Variants in DLGAP2 observed in about 807,000 individuals in gnomAD.
DLGAP2 encodes DLG associated protein 2.
DLGAP2 carries 26 observed loss-of-function variants against 100.3 expected under a neutral mutation model. That is an observed-to-expected ratio of 0.26 (90% confidence interval 0.19 to 0.36). The LOEUF is 0.36. Among genes scored for constraint, DLGAP2 ranks in the 10% least tolerant of loss-of-function variants. DLGAP2 has a pLI of 1.00. For missense variants in DLGAP2, 1,858 were observed against 1,453.2 expected, an observed-to-expected ratio of 1.28 and a Z score of -4.53; for synonymous variants, 886 against 630.1, an observed-to-expected ratio of 1.41 and a Z score of -6.08.
intron 2 of DLGAP2, among the ~76,000 whole-genome samples, chr8:938,140 C>T (rs1253911674): frequency 1.3e-5 from 2 of 152,100 alleles, no homozygotes; most frequent in Non-Finnish European, 2.9e-5. Flanking sequence ...GGATCTCACA[C>T]GAGCCTGGGA....
At chr8:1,017,230 T>C (rs1181549046) in intron 2 of DLGAP2, among the ~76,000 whole-genome samples, 1 of 34 alleles carries the variant, frequency 0.029, no homozygotes. Context: ...GGACAGACGA[T>C]GCCTCCACTG....
chr8:1,042,326 C>G (rs1472552422), intron 2 of DLGAP2, among the ~76,000 whole-genome samples: 1 of 152,232 alleles, frequency 6.6e-6, no homozygotes, highest in Non-Finnish European at 1.5e-5. Context: ...AACAACGTGC[C>G]TAGTACAGAA....
intron 2 of DLGAP2, among the ~76,000 whole-genome samples, chr8:1,150,204 C>G (rs143854823): frequency 5.3e-5 from 8 of 152,282 alleles, no homozygotes; most frequent in African/African-American, 1.9e-4. Flanking sequence ...CTAGAAATGT[C>G]TTCATTTCGG....
chr8:1,484,352 A>C (rs564801807), intron 3 of DLGAP2, among the ~76,000 whole-genome samples: 3 of 152,380 alleles, frequency 2.0e-5, no homozygotes, highest in Admixed American at 1.3e-4. Context: ...GAAAACATCC[A>C]TGATTATTTT....
chr8:1,269,771 G>C (rs1244814631), intron 3 of DLGAP2, among the ~76,000 whole-genome samples: 1 of 152,062 alleles, frequency 6.6e-6, no homozygotes, highest in Non-Finnish European at 1.5e-5. Context: ...AAGCAAAAAA[G>C]GCTGGCGAGG....
intron 4 of DLGAP2, among the ~76,000 whole-genome samples, chr8:1,523,388 G>A (rs1016042095): frequency 5.0e-4 from 76 of 152,334 alleles, no homozygotes; most frequent in African/African-American, 1.7e-3. Flanking sequence ...GGGATTTGCC[G>A]GCCTCACGCC....
intron 2 of DLGAP2, among the ~76,000 whole-genome samples, chr8:1,041,271 T>C (rs1033719434): frequency 2.6e-5 from 4 of 152,192 alleles, no homozygotes; most frequent in African/African-American, 9.6e-5. Context: ...TCATAAATGG[T>C]AACCAGCGAG....
intron 1 of DLGAP2, among the ~76,000 whole-genome samples, chr8:856,548 T>G (rs1437709076): frequency 6.6e-6 from 1 of 152,208 alleles, no homozygotes. Flanking sequence ...ACAGGGTTAA[T>G]ATGCAAAGGT....
chr8:1,332,108 T>C (rs928205129), intron 3 of DLGAP2, among the ~76,000 whole-genome samples: 3 of 152,242 alleles, frequency 2.0e-5, no homozygotes, highest in Admixed American at 2.0e-4. Context: ...AACAGCCACC[T>C]TCCTTTGCTG....
chr8:1,344,769 C>G (rs1486105006), intron 3 of DLGAP2, among the ~76,000 whole-genome samples: 1 of 152,200 alleles, frequency 6.6e-6, no homozygotes, highest in African/African-American at 2.4e-5. Flanking sequence ...CCTTGGGGAT[C>G]ACTGGTAACT....
At chr8:1,361,313 T>A (rs550572131) in intron 3 of DLGAP2, among the ~76,000 whole-genome samples, 1 of 152,236 alleles carries the variant, frequency 6.6e-6, no homozygotes, top group African/African-American at 2.4e-5. Context: ...CACACAACTT[T>A]AGAGTAGACT....
intron 3 of DLGAP2, among the ~76,000 whole-genome samples, chr8:1,272,033 C>A (rs1008534383): frequency 4.6e-5 from 7 of 152,140 alleles, no homozygotes; most frequent in Non-Finnish European, 8.8e-5. Context: ...CCAAGTTGGT[C>A]TCAAACTCCT....
At chr8:1,221,177 G>C (rs1485250291) in intron 2 of DLGAP2, among the ~76,000 whole-genome samples, 1 of 152,170 alleles carries the variant, frequency 6.6e-6, no homozygotes, top group Non-Finnish European at 1.5e-5. Context: ...CGGTTATATA[G>C]TTGTTTTTTA....
At chr8:977,363 G>T (rs184771840) in intron 2 of DLGAP2, among the ~76,000 whole-genome samples, 3 of 152,344 alleles carry the variant, frequency 2.0e-5, no homozygotes, top group East Asian at 3.9e-4. Context: ...GGTCAGGCAG[G>T]TAAACAATTT....
At chr8:756,780 C>T (rs1820931582) in intron 1 of DLGAP2, among the ~76,000 whole-genome samples, 1 of 152,144 alleles carries the variant, frequency 6.6e-6, no homozygotes, top group Admixed American at 6.5e-5. Context: ...GTCAGGAGAA[C>T]GTTCTTTTAG....
At chr8:965,979 G>T (rs1397664283) in intron 2 of DLGAP2, among the ~76,000 whole-genome samples, 4 of 152,226 alleles carry the variant, frequency 2.6e-5, no homozygotes, top group Non-Finnish European at 4.4e-5. Flanking sequence ...CTTCTCCTGG[G>T]CTGGAGCCAG....
intron 2 of DLGAP2, among the ~76,000 whole-genome samples, chr8:1,168,679 C>T (rs938320738): frequency 6.9e-6 from 1 of 145,790 alleles, no homozygotes; most frequent in African/African-American, 2.6e-5. Flanking sequence ...TAAATGTCTT[C>T]TTTTGAGAAG....
chr8:1,197,680 CATATAAA>C, intron 2 of DLGAP2, among the ~76,000 whole-genome samples: 1 of 66,200 alleles, frequency 1.5e-5, no homozygotes, highest in Non-Finnish European at 2.8e-5. Flanking sequence ...ACCAGCTGTC[CATATAAA>C]CCTGAGCCAC....
At chr8:965,201 G>C (rs111690672) in intron 2 of DLGAP2, among the ~76,000 whole-genome samples, 16 of 121,088 alleles carry the variant, frequency 1.3e-4, no homozygotes, top group South Asian at 1.1e-3. Context: ...TCACCACACA[G>C]GGCTCCTGAG....
Sources: gnomAD v4.1 joint callset for allele counts (sites outside exome capture counted in the v4.1 genomes callset) on GRCh38, gnomAD v4.1.1 for gene constraint, MANE v1.5 for transcripts, NCBI Gene and HGNC (gene_info 2026-07-23, HGNC 2026-07-21) for gene names.